The following MCF2L2 variants were observed in gnomAD, a reference collection of about 807,000 sequenced individuals.
MCF2L2 encodes probable guanine nucleotide exchange factor MCF2L2.
Under a neutral mutation model 150.2 loss-of-function variants are expected in MCF2L2, and 102 were observed. That is an observed-to-expected ratio of 0.68 (90% CI 0.58 to 0.80). The LOEUF is 0.80. Among genes scored for constraint, MCF2L2 ranks in the 30% least tolerant of loss-of-function variants. The pLI, the probability that MCF2L2 is intolerant of heterozygous loss-of-function variation, is 0.00. For missense variants in MCF2L2, 1,256 were observed against 1,372.8 expected, an observed-to-expected ratio of 0.91 and a Z score of 1.34; for synonymous variants, 465 against 491.3, an observed-to-expected ratio of 0.95 and a Z score of 0.71.
intron 22 of MCF2L2, among the ~76,000 whole-genome samples, chr3:183,209,780 C>T (rs532846758): frequency 6.6e-6 from 1 of 152,282 alleles, no homozygotes; most frequent in South Asian, 2.1e-4. Flanking sequence ...TAAGCCACTG[C>T]TCCCGGCCTT....
chr3:183,217,296 A>AC (rs1722981585), intron 21 of MCF2L2, among the ~76,000 whole-genome samples: 3 of 130,202 alleles, frequency 2.3e-5, no homozygotes, highest in South Asian at 5.2e-4. Flanking sequence ...CCCCGTCTCA[A>AC]AAAAAAAAAA....
At chr3:183,304,717 A>G (rs1577047961) in intron 10 of MCF2L2, among the ~76,000 whole-genome samples, 3 of 150,376 alleles carry the variant, frequency 2.0e-5, no homozygotes. Context: ...CAGGCAATTC[A>G]CCCGCCTCGG....
At chr3:183,342,396 C>T (rs1730735849) in intron 3 of MCF2L2, among the ~76,000 whole-genome samples, 1 of 152,096 alleles carries the variant, frequency 6.6e-6, no homozygotes, top group Non-Finnish European at 1.5e-5. Context: ...ATCCGGTGCT[C>T]TTCTCTGTAA....
chr3:183,191,071 T>G (rs1352255361), intron 27 of MCF2L2, among the ~76,000 whole-genome samples: 1 of 151,742 alleles, frequency 6.6e-6, no homozygotes, highest in Non-Finnish European at 1.5e-5. Context: ...ATTTTTAGTT[T>G]CATCATGTTG....
intron 15 of MCF2L2, among the ~76,000 whole-genome samples, chr3:183,244,677 T>C (rs185151625): frequency 2.0e-5 from 3 of 152,238 alleles, no homozygotes; most frequent in African/African-American, 7.2e-5. Context: ...AGAAATAGAA[T>C]TGGAACCCCA....
chr3:183,207,965 A>G (rs1331270191), intron 22 of MCF2L2, 142 bp from the exon 23 acceptor site: 3 of 675,142 alleles, frequency 4.4e-6, no homozygotes, highest in Non-Finnish European at 7.4e-6. Context: ...CTGGTCTGTC[A>G]CTAAATCAAA....
chr3:183,408,331 T>C (rs1309986421), intron 1 of MCF2L2, among the ~76,000 whole-genome samples: 4 of 152,146 alleles, frequency 2.6e-5, no homozygotes, highest in African/African-American at 9.7e-5. Context: ...TTTGCCTAAA[T>C]ACTGTCTTAT....
intron 1 of MCF2L2, among the ~76,000 whole-genome samples, chr3:183,422,517 T>C (rs73186929): frequency 0.085 from 12,901 of 152,224 alleles, 570 homozygotes; most frequent in African/African-American, 0.095. Context: ...GCTTCTGTCC[T>C]ATGAATGGGG....
chr3:183,291,759 G>C (rs897868711), intron 13 of MCF2L2, among the ~76,000 whole-genome samples: 1 of 152,230 alleles, frequency 6.6e-6, no homozygotes, highest in African/African-American at 2.4e-5. Context: ...AAACGAGCTA[G>C]TTGTTTGACT....
intron 5 of MCF2L2, among the ~76,000 whole-genome samples, chr3:183,334,463 A>G (rs904807288): frequency 6.6e-6 from 1 of 152,084 alleles, no homozygotes; most frequent in Non-Finnish European, 1.5e-5. Flanking sequence ...CGATACTCCA[A>G]GAAGGACATG....
At chr3:183,299,681 C>A (rs1371731906) in intron 11 of MCF2L2, 1 of 272,322 alleles carries the variant, frequency 3.7e-6, no homozygotes, top group Non-Finnish European at 6.9e-6. Context: ...GTGCTTGGTT[C>A]TCTGTACACC....
Position 183,192,993 on chromosome 3 carries a change from C to A in MCF2L2, c.3016+6G>T. On this transcript the variant is annotated splice_donor_region_variant and intron_variant, in intron 27 of 29. Transcript: ENST00000328913. ...GTGCTCCACTCTCCCATGGGACCCT[C>A]CCTACCTTTAATCCCTCCTGTGCTG... 6.2e-7 allele frequency: 1 copy of A among 1,612,166 alleles called. No homozygotes were observed. Among genetic ancestry groups the A allele is most frequent in the African/African-American group, 1.3e-5 (1 of 75,006 alleles).
intron 22 of MCF2L2, among the ~76,000 whole-genome samples, chr3:183,208,346 A>T (rs1363129211): frequency 6.6e-6 from 1 of 152,220 alleles, no homozygotes; most frequent in Non-Finnish European, 1.5e-5. Context: ...GTTTACTGTG[A>T]TCTAATCTTC....
At chr3:183,297,642 C>CCTCCCTTCCTTCCTTCCTT (rs1728593967) in intron 11 of MCF2L2, 3 of 146,118 alleles carry the variant, frequency 2.1e-5, no homozygotes, top group Non-Finnish European at 3.0e-5. Context: ...CTTCCTTCCT[C>CCTCCCTTCCTTCCTTCCTT]CCTTCCTTCC....
At chr3:183,303,008 C>T (rs1414517678) in intron 10 of MCF2L2, among the ~76,000 whole-genome samples, 2 of 152,022 alleles carry the variant, frequency 1.3e-5, no homozygotes, top group African/African-American at 2.4e-5. Context: ...TCCTGGCTAA[C>T]ACGGTGAAAC....
intron 15 of MCF2L2, chr3:183,253,347 G>C (rs1279090986): frequency 6.6e-6 from 1 of 152,086 alleles, no homozygotes; most frequent in East Asian, 1.9e-4. Context: ...TTTTGTTCTT[G>C]AGACCAGCGA....
chr3:183,297,182 C>T lies in MCF2L2; in HGVS notation c.1306-15G>A. 6.2e-7 allele frequency: 1 copy of T among 1,611,738 alleles called. No homozygotes were observed. The highest frequency in any genetic ancestry group is 8.5e-7 in the Non-Finnish European group (1 of 1,178,662). On this transcript the variant is annotated splice_polypyrimidine_tract_variant and intron_variant, in intron 11 of 29. Coordinates refer to ENST00000328913, the MANE Select transcript of MCF2L2 (RefSeq NM_015078.4). ...CATTGGCTGACCTTTTGGAAAGAAA[C>T]AGTGCCCTGTGCACTTCGCCTGACC...
intron 10 of MCF2L2, 142 bp downstream of exon 10, chr3:183,309,574 C>T: frequency 1.0e-6 from 1 of 1,003,612 alleles, no homozygotes; most frequent in African/African-American, 1.6e-5. Context: ...GTGCCTCTCT[C>T]CTTGGGATCC....
rs1324356419 is a variant in MCF2L2, at chr3:183,360,991, A to G, written c.275+18306T>C. On this transcript the variant is annotated intron_variant, in intron 3 of 29. Coordinates refer to ENST00000328913, the MANE Select transcript of MCF2L2 (RefSeq NM_015078.4). ...AAGAAAAGAAAAGAAAAGAAAAGAA[A>G]AGAAAAGAAAAGAAAAGAAAAGAAA... 1.9e-4 allele frequency among the ~76,000 whole-genome samples: 26 copies of G among 133,508 alleles called. 2 individuals are homozygous for G. In the East Asian group the frequency reaches 5.1e-3, roughly 26 times the overall value. 87.6% of individuals were successfully genotyped at this position (133,508 alleles called of 152,430 possible). A position where few individuals can be genotyped will look rare whatever the true frequency, so the allele number is the denominator to read the frequency against.
Sources: gnomAD v4.1 joint callset for allele counts (sites outside exome capture counted in the v4.1 genomes callset) on GRCh38, gnomAD v4.1.1 for gene constraint, MANE v1.5 for transcripts, NCBI Gene and HGNC (gene_info 2026-07-23, HGNC 2026-07-21) for gene names.